The following PIEZO2 variants were observed in gnomAD, a reference collection of about 807,000 sequenced individuals.
PIEZO2 encodes the protein piezo type mechanosensitive ion channel component 2.
In PIEZO2, 172 loss-of-function variants were observed where a neutral mutation model predicts 337.3. That is an observed-to-expected ratio of 0.51 (90% CI 0.45 to 0.58). The LOEUF (loss-of-function observed/expected upper bound fraction) is 0.58. Among genes scored for constraint, PIEZO2 ranks in the 20% least tolerant of loss-of-function variants. PIEZO2 has a pLI of 0.00. For missense variants in PIEZO2, 3,028 were observed against 3,391.3 expected (o/e 0.89, Z 2.66); for synonymous variants, 1,251 against 1,228.5 (o/e 1.02, Z -0.38).
In PIEZO2 at chr18:11,047,437, G is replaced by A. The variant is rs1201952300; in HGVS notation, c.160+18690C>T. Among the ~76,000 whole-genome samples the A allele has an allele frequency of 6.6e-6, 1 of 152,150 alleles. No individual in the cohort carries two copies. Among genetic ancestry groups the A allele is most frequent in the Non-Finnish European group, 1.5e-5 (1 of 68,026 alleles). Reference sequence around the variant, plus strand: ...AAGACGGCCCGGGGGAATTGTCCAAGAACAGGGCAAGGGGCAAGGGGACAG... The same window carrying A: ...AAGACGGCCCGGGGGAATTGTCCAAAAACAGGGCAAGGGGCAAGGGGACAG... On this transcript the variant is annotated intron_variant, in intron 2 of 55. Transcript: ENST00000674853. The surrounding 1 kb of genome is among the most constrained non-coding windows in gnomAD (Gnocchi z 7.2).
intron 3 of PIEZO2, among the ~76,000 whole-genome samples, chr18:10,967,016 T>G (rs908253364): frequency 1.4e-5 from 2 of 143,344 alleles, no homozygotes; most frequent in African/African-American, 2.8e-5. Context: ...TCTCTGTTTT[T>G]TGTTTTTTTT....
chr18:11,084,246 T>C (rs2038845869), intron 1 of PIEZO2, among the ~76,000 whole-genome samples: 1 of 152,030 alleles, frequency 6.6e-6, no homozygotes, highest in Admixed American at 6.6e-5. Flanking sequence ...CCCTACTTAT[T>C]TGATATCTGG....
At chr18:10,970,660 T>TCTCACA (rs1254875088) in intron 3 of PIEZO2, among the ~76,000 whole-genome samples, 1,538 of 137,498 alleles carry the variant, frequency 0.011, 19 homozygotes, top group East Asian at 0.045. Flanking sequence ...AAAAGATGTT[T>TCTCACA]CACACACACA....
At chr18:10,809,139 A>G (rs930829028) in intron 7 of PIEZO2, among the ~76,000 whole-genome samples, 17 of 152,224 alleles carry the variant, frequency 1.1e-4, no homozygotes, top group Non-Finnish European at 2.4e-4. Flanking sequence ...TGTATTAGCA[A>G]TGTATAGACC....
rs375212567 is a variant in PIEZO2 at position 10,731,864 on chromosome 18, A to G, written c.4915-343T>C. On this transcript the variant is annotated intron_variant, in intron 35 of 55. Coordinates refer to ENST00000674853, the MANE Select transcript of PIEZO2 (RefSeq NM_001378183.1). ...TAGGTATAAGCTGGAAGTCTCATTC[A>G]GTATCAGTACTTTCTCCCATCACAA... is the stretch of plus-strand genomic sequence containing the variant. Among the ~76,000 whole-genome samples, 42 of 152,336 alleles carry G rather than the reference A, an allele frequency of 2.8e-4. 1 individual carries two copies. The East Asian group carries it at 5.6e-3, about 20-fold the overall frequency.
chr18:11,145,727 G>A (rs934359954), intron 1 of PIEZO2, among the ~76,000 whole-genome samples: 1 of 152,168 alleles, frequency 6.6e-6, no homozygotes, highest in Non-Finnish European at 1.5e-5. Context: ...GCTCAAATAA[G>A]GTGGCATATC....
At chr18:10,697,917 G>T (rs1434810113) in intron 44 of PIEZO2, 37 bp from the exon 45 acceptor site, 4 of 1,569,556 alleles carry the variant, frequency 2.5e-6, no homozygotes, top group Non-Finnish European at 3.5e-6. Flanking sequence ...GGGTGGTGGA[G>T]CCTGGGGTTT....
intron 1 of PIEZO2, among the ~76,000 whole-genome samples, chr18:11,114,160 T>C (rs1272337303): frequency 6.6e-6 from 1 of 152,208 alleles, no homozygotes; most frequent in Non-Finnish European, 1.5e-5. Context: ...ATTAAATGTT[T>C]AGATTAAGGG....
rs1010371217 is a variant in PIEZO2, at chr18:10,871,421, A to C, written c.330-6T>G. On this transcript the variant is annotated splice_polypyrimidine_tract_variant and splice_region_variant and intron_variant, in intron 4 of 55. Transcript: ENST00000674853. ...CAGCATCAGCTCCCTTTAAGCTATAAAGGAAAAACAAGGGGAGGGGAAAAA... is the reference window on the plus strand; with the variant it reads ...CAGCATCAGCTCCCTTTAAGCTATACAGGAAAAACAAGGGGAGGGGAAAAA... 8.5e-6 allele frequency: 13 copies of C among 1,528,118 alleles called. No individual in the cohort carries two copies. The highest frequency in any genetic ancestry group is 1.4e-5 in the African/African-American group (1 of 72,670). 94.7% of individuals were successfully genotyped at this position (1,528,118 alleles called of 1,614,324 possible).
chr18:11,043,016 T>A (rs567487474), intron 2 of PIEZO2, among the ~76,000 whole-genome samples: 1 of 151,974 alleles, frequency 6.6e-6, no homozygotes, highest in South Asian at 2.1e-4. Flanking sequence ...AAAGGAGGGG[T>A]ACTCCAGATA....
intron 7 of PIEZO2, among the ~76,000 whole-genome samples, chr18:10,839,408 A>T (rs560744138): frequency 5.6e-4 from 85 of 152,304 alleles, no homozygotes; most frequent in African/African-American, 1.8e-3. Context: ...GATAAATAGG[A>T]TATCACCCCT....
rs142531858 is a variant in PIEZO2 at position 10,778,669 on chromosome 18, T to C, written c.2534+1656A>G. Among the ~76,000 whole-genome samples, 449 of 152,246 alleles carry C rather than the reference T, an allele frequency of 2.9e-3. 3 individuals carry two copies. Among genetic ancestry groups the C allele is most frequent in the South Asian group, 4.8e-3 (23 of 4,816 alleles). On this transcript the variant is annotated intron_variant, in intron 18 of 55. Transcript: ENST00000674853. Reference sequence around the variant, plus strand: ...TAACATGTTTATATTCACACAAAAATAGGAGATTTCACTGGAAAGAAGGTA... The same window carrying C: ...TAACATGTTTATATTCACACAAAAACAGGAGATTTCACTGGAAAGAAGGTA...
At chr18:10,978,295 C>T (rs1245109892) in intron 3 of PIEZO2, among the ~76,000 whole-genome samples, 2 of 151,568 alleles carry the variant, frequency 1.3e-5, no homozygotes, top group African/African-American at 4.8e-5. Flanking sequence ...GAGATTGTGC[C>T]ACTGCACTCC....
In PIEZO2 at chr18:11,069,779, A is replaced by G. The variant is rs983714377; in HGVS notation, c.65-3557T>C. On this transcript the variant is annotated intron_variant, in intron 1 of 55. Transcript: ENST00000674853. The surrounding 1 kb of genome is among the most constrained non-coding windows in gnomAD (Gnocchi z 4.9). ...CATGATCTTATATTAAGAAAACCCT[A>G]AAGATTCAACCAAAAAATTGTTAGA... Among the ~76,000 whole-genome samples, 5 of 152,216 alleles carry G rather than the reference A, an allele frequency of 3.3e-5. No homozygotes were observed. Among genetic ancestry groups the G allele is most frequent in the African/African-American group, 1.2e-4 (5 of 41,462 alleles).
rs530594879 is a variant in PIEZO2, at chr18:10,726,708, C to G, written c.5029+4699G>C. 1 of 1,428,624 alleles carries G rather than the reference C, an allele frequency of 7.0e-7. No individual in the cohort carries two copies. The highest frequency in any genetic ancestry group is 9.8e-7 in the Non-Finnish European group (1 of 1,020,994). The allele number at this position is 1,428,624 out of a possible 1,614,324, so 88.5% of individuals were successfully genotyped here. A position where few individuals can be genotyped will look rare whatever the true frequency, so the allele number is the denominator to read the frequency against. On this transcript the variant is annotated intron_variant, in intron 36 of 55. Coordinates refer to ENST00000674853, the MANE Select transcript of PIEZO2 (RefSeq NM_001378183.1). The surrounding 1 kb of genome is among the most constrained non-coding windows in gnomAD (Gnocchi z 5.9). ...TCAGCAAGGACCAGGTGTACCTGAA[C>G]GGCATCCTGTGCATTCTGGGACATC...
intron 4 of PIEZO2, among the ~76,000 whole-genome samples, chr18:10,876,525 A>G (rs930023884): frequency 2.6e-5 from 4 of 152,172 alleles, no homozygotes; most frequent in South Asian, 2.1e-4. Flanking sequence ...TTAGTTTTTA[A>G]TAAGTCTTTA....
chr18:10,704,471 G>A lies in PIEZO2; in HGVS notation c.6181C>T (p.Leu2061Phe). The stretch of plus-strand genomic sequence containing the variant: ...GACAACATGGCCCAGAGGAAGATGA[G>A]GATGGGAAGCAGGAGCGTGATCATG... ...ASMITLLLPI[L>F]IFLWAMLSVP... Residue 2061 changes from leucine to phenylalanine, a missense_variant, in exon 42 of 56, where the codon CTC becomes TTC. This residue lies in a region of PIEZO2 where 1,925 missense variants were observed against 2,051.9 expected (regional missense o/e 0.94). Transcript: ENST00000674853. 1 of 1,537,264 alleles carries A rather than the reference G, an allele frequency of 6.5e-7. No homozygotes were observed. The highest frequency in any genetic ancestry group is 1.2e-5 in the South Asian group (1 of 84,064).
rs920406526 is a variant in PIEZO2 at position 10,676,542 on chromosome 18, T to A, written c.8081+1205A>T. Among the ~76,000 whole-genome samples, 4 of 152,238 alleles carry A rather than the reference T, an allele frequency of 2.6e-5. No individual in the cohort carries two copies. The highest frequency in any genetic ancestry group is 9.6e-5 in the African/African-American group (4 of 41,462). ...TTTCCAAATTTCCTTTTACCCCTTG[T>A]CCTCCTCAACCGTGTATACTCTACC... On this transcript the variant is annotated intron_variant, in intron 53 of 55. Coordinates refer to ENST00000674853, the MANE Select transcript of PIEZO2 (RefSeq NM_001378183.1). This position sits in a 1 kb window ranked among gnomAD's most constrained non-coding sequence, Gnocchi z 5.1.
At chr18:10,687,292 C>CA (rs35471497) in intron 49 of PIEZO2, among the ~76,000 whole-genome samples, 66,881 of 151,674 alleles carry the variant, frequency 0.44, 15,619 homozygotes, top group East Asian at 0.72. Flanking sequence ...TCACTCCCCG[C>CA]AACCCATGAC....
Sources: allele counts gnomAD v4.1 joint callset (sites outside exome capture counted in the v4.1 genomes callset), GRCh38; gene constraint gnomAD v4.1.1; regional missense constraint gnomAD v4.1.1; non-coding constraint Gnocchi (gnomAD v3.1); transcripts MANE v1.5; gene names NCBI Gene and HGNC (gene_info 2026-07-23, HGNC 2026-07-21).